CDH18: variants seen among roughly 807,000 people sequenced by gnomAD.
CDH18 encodes the protein cadherin 18, also known as cadherin-18.
CDH18 carries 31 observed loss-of-function variants against 67.9 expected under a neutral mutation model. The ratio of observed to expected loss-of-function variants is 0.46; its 90% confidence interval spans 0.34 to 0.62. The LOEUF (loss-of-function observed/expected upper bound fraction) is 0.62. CDH18 is among the 20% of genes least tolerant of loss of function. The probability of loss-of-function intolerance (pLI) is 0.01; values close to 1 mark genes in which losing one functional copy is unlikely to be tolerated. For missense variants in CDH18, 890 were observed against 975.5 expected (o/e 0.91, Z 1.17); for synonymous variants, 362 against 347.2 (o/e 1.04, Z -0.48).
At chr5:20,567,981 CTG>C (rs1758608620) in intron 1 of CDH18, among the ~76,000 whole-genome samples, 1 of 152,136 alleles carries the variant, frequency 6.6e-6, no homozygotes, top group African/African-American at 2.4e-5. Context: ...TTTTCGAGAA[CTG>C]TGAATTTAGA....
intron 5 of CDH18, among the ~76,000 whole-genome samples, chr5:19,618,917 C>T (rs993501814): frequency 3.3e-5 from 5 of 152,174 alleles, no homozygotes; most frequent in African/African-American, 4.8e-5. Flanking sequence ...AGGCACTAAA[C>T]ATCTTGGCAG....
At chr5:20,446,721 G>A (rs1245663033) in intron 1 of CDH18, among the ~76,000 whole-genome samples, 1 of 152,064 alleles carries the variant, frequency 6.6e-6, no homozygotes. Context: ...TAAAATAATT[G>A]TCTTTAACTT....
At chr5:20,145,311 T>G (rs185672474) in intron 2 of CDH18, among the ~76,000 whole-genome samples, 1 of 152,322 alleles carries the variant, frequency 6.6e-6, no homozygotes, top group African/African-American at 2.4e-5. Context: ...TGTAAAAACA[T>G]AAATGTTGCA....
chr5:20,507,578 GA>G (rs1183793481), intron 1 of CDH18, among the ~76,000 whole-genome samples: 2 of 152,126 alleles, frequency 1.3e-5, no homozygotes, highest in African/African-American at 4.8e-5. Context: ...AAATAATTTT[GA>G]AAAGCTTAGA....
At chr5:19,656,790 C>T (rs538533185) in intron 5 of CDH18, among the ~76,000 whole-genome samples, 5 of 151,894 alleles carry the variant, frequency 3.3e-5, no homozygotes, top group East Asian at 1.9e-4. Flanking sequence ...CTAAAGGGTG[C>T]CCAGTGCTAG....
intron 7 of CDH18, among the ~76,000 whole-genome samples, 177 bp from the exon 8 acceptor site, chr5:19,572,009 A>G (rs530551307): frequency 6.6e-6 from 1 of 152,320 alleles, no homozygotes; most frequent in East Asian, 1.9e-4. Context: ...AATAACATCT[A>G]AGGCATAAAT....
At chr5:19,923,657 T>A (rs181750854) in intron 2 of CDH18, among the ~76,000 whole-genome samples, 67 of 152,284 alleles carry the variant, frequency 4.4e-4, no homozygotes, top group Non-Finnish European at 6.5e-4. Context: ...TCCTTATATT[T>A]CTTATAATCA....
intron 2 of CDH18, among the ~76,000 whole-genome samples, chr5:19,900,379 G>A (rs1185486015): frequency 6.6e-6 from 1 of 151,994 alleles, no homozygotes; most frequent in Non-Finnish European, 1.5e-5. Flanking sequence ...CTAGAAGAGT[G>A]GTTTTTGAAT....
intron 2 of CDH18, among the ~76,000 whole-genome samples, chr5:19,963,269 T>A (rs1320574274): frequency 6.6e-6 from 1 of 152,138 alleles, no homozygotes; most frequent in African/African-American, 2.4e-5. Context: ...CTTCAAGGTA[T>A]TAAAACTACA....
intron 2 of CDH18, among the ~76,000 whole-genome samples, chr5:19,842,820 C>A (rs780425521): frequency 1.3e-5 from 2 of 152,046 alleles, no homozygotes; most frequent in African/African-American, 4.8e-5. Flanking sequence ...ATGATGTGGA[C>A]AACGAAGTCC....
chr5:20,487,346 GTATAAACCTATATATATA>G (rs1172331214), intron 1 of CDH18, among the ~76,000 whole-genome samples: 12 of 148,414 alleles, frequency 8.1e-5, no homozygotes, highest in Non-Finnish European at 3.0e-5. Context: ...ACCTATATAT[GTATAAACCTATATATATA>G]TATAAACCTA....
chr5:19,755,451 A>ATATATATATATATG (rs1771447180), intron 3 of CDH18, among the ~76,000 whole-genome samples: 1 of 9,716 alleles, frequency 1.0e-4, no homozygotes, highest in Admixed American at 2.0e-3. Flanking sequence ...ATATATATAT[A>ATATATATATATATG]TATATATACA....
chr5:19,547,281 C>G (rs966010904), intron 8 of CDH18, among the ~76,000 whole-genome samples: 1 of 152,104 alleles, frequency 6.6e-6, no homozygotes, highest in African/African-American at 2.4e-5. Context: ...TAATGTTAAC[C>G]TGTCTTTAAG....
chr5:20,561,375 T>C (rs1758199697), intron 1 of CDH18, among the ~76,000 whole-genome samples: 1 of 152,094 alleles, frequency 6.6e-6, no homozygotes, highest in Non-Finnish European at 1.5e-5. Flanking sequence ...AATAATTGAG[T>C]GGAAAAATAA....
chr5:20,473,134 C>A (rs1508549), intron 1 of CDH18, among the ~76,000 whole-genome samples: 6,900 of 151,874 alleles, frequency 0.045, 163 homozygotes, highest in Non-Finnish European at 0.052. Flanking sequence ...AGATGAGATT[C>A]AAACATAGCA....
At chr5:20,004,940 T>C (rs899543750) in intron 2 of CDH18, among the ~76,000 whole-genome samples, 1 of 151,866 alleles carries the variant, frequency 6.6e-6, no homozygotes, top group African/African-American at 2.4e-5. Context: ...CAAATTCCAC[T>C]ATCTATCTAC....
In CDH18 at chr5:20,189,352, C is replaced by T. The variant is rs1373916944; in HGVS notation, c.-518+66092G>A. On this transcript the variant is annotated intron_variant, in intron 2 of 14. Coordinates refer to the CDH18 transcript ENST00000507958. ...ATGGACAACATGTCTATCTATCCATCGTGTGCTTTTTCTTCAGGAATCTAT... is the reference window on the plus strand; with the variant it reads ...ATGGACAACATGTCTATCTATCCATTGTGTGCTTTTTCTTCAGGAATCTAT... Among the ~76,000 whole-genome samples, 4 of 152,156 alleles carry T rather than the reference C, an allele frequency of 2.6e-5. 1 individual carries two copies. In the South Asian group the frequency reaches 6.2e-4, roughly 24 times the overall value.
rs1224046141 is a variant in CDH18, at chr5:19,473,205, A to G, written c.*21T>C. 1 of 1,604,982 alleles carries G rather than the reference A, an allele frequency of 6.2e-7. No individual in the cohort carries two copies. The highest frequency in any genetic ancestry group is 2.2e-5 in the East Asian group (1 of 44,742). On this transcript the variant is annotated 3_prime_UTR_variant, in exon 13 of 13. Coordinates refer to ENST00000382275, the MANE Select transcript of CDH18 (RefSeq NM_004934.5). ...CACTTACTCAGGAAGCAAATTCCACAAGGTTGCAAGAACTGACCCCCTAAG... is the reference window on the plus strand; with the variant it reads ...CACTTACTCAGGAAGCAAATTCCACGAGGTTGCAAGAACTGACCCCCTAAG...
chr5:20,443,221 A>AAAAAAAAAAAAAC, intron 1 of CDH18, among the ~76,000 whole-genome samples: 1 of 149,722 alleles, frequency 6.7e-6, no homozygotes, highest in Admixed American at 6.6e-5. Context: ...AAAAAAAAAA[A>AAAAAAAAAAAAAC]AAAAAAAAAA....
Sources: gnomAD v4.1 joint callset for allele counts (sites outside exome capture counted in the v4.1 genomes callset) on GRCh38, gnomAD v4.1.1 for gene constraint, MANE v1.5 for transcripts, NCBI Gene and HGNC (gene_info 2026-07-23, HGNC 2026-07-21) for gene names.